Variants in MDGA2 observed in about 807,000 individuals in gnomAD.
MDGA2 encodes the protein MAM domain-containing glycosylphosphatidylinositol anchor protein 2.
Under a neutral mutation model 117.8 loss-of-function variants are expected in MDGA2, and 40 were observed. The ratio of observed to expected loss-of-function variants is 0.34; its 90% CI spans 0.26 to 0.44. MDGA2 has a LOEUF of 0.44. Among genes scored for constraint, MDGA2 ranks in the 20% least tolerant of loss-of-function variants. The pLI is 1.00. For synonymous variants in MDGA2, 452 were observed against 439.0 expected (o/e 1.03, Z -0.37); for missense variants, 1,123 against 1,250.6 (o/e 0.90, Z 1.54).
intron 1 of MDGA2, among the ~76,000 whole-genome samples, chr14:47,402,389 G>T (rs1300171243): frequency 1.6e-5 from 2 of 127,374 alleles, no homozygotes; most frequent in African/African-American, 3.2e-5. Context: ...GAAAAGAAAA[G>T]CCATAAAGCC....
At chr14:47,235,037 TAA>T (rs1886813984) in intron 2 of MDGA2, among the ~76,000 whole-genome samples, 1 of 152,172 alleles carries the variant, frequency 6.6e-6, no homozygotes, top group African/African-American at 2.4e-5. Flanking sequence ...TTATTGATTT[TAA>T]AAGAGTGTGA....
At chr14:47,184,408 A>G (rs918375845) in intron 3 of MDGA2, among the ~76,000 whole-genome samples, 2 of 151,954 alleles carry the variant, frequency 1.3e-5, no homozygotes, top group African/African-American at 4.8e-5. Flanking sequence ...TTAACCGGAA[A>G]TCAACCCAGA....
intron 10 of MDGA2, among the ~76,000 whole-genome samples, chr14:46,916,487 A>G (rs1310997264): frequency 6.6e-6 from 1 of 151,644 alleles, no homozygotes; most frequent in Non-Finnish European, 1.5e-5. Context: ...GGAATTTTTT[A>G]AAAAAGAACT....
At chr14:47,384,280 G>T (rs1891708387) in intron 1 of MDGA2, among the ~76,000 whole-genome samples, 2 of 150,554 alleles carry the variant, frequency 1.3e-5, no homozygotes, top group Admixed American at 1.3e-4. Flanking sequence ...CCTTAGGCGA[G>T]TTGCTGCTGA....
intron 8 of MDGA2, among the ~76,000 whole-genome samples, chr14:46,968,064 C>A (rs968729547): frequency 5.3e-5 from 8 of 152,136 alleles, no homozygotes; most frequent in Non-Finnish European, 7.3e-5. Context: ...CAGAAAGCTG[C>A]CTAGATATTA....
At chr14:47,158,293 A>G (rs1477788297) in intron 3 of MDGA2, among the ~76,000 whole-genome samples, 1 of 151,794 alleles carries the variant, frequency 6.6e-6, no homozygotes, top group African/African-American at 2.4e-5. Context: ...TTGTGTAAGT[A>G]TGCTCTACAA....
At chr14:46,990,107 T>G (rs1887028099) in intron 8 of MDGA2, among the ~76,000 whole-genome samples, 1 of 152,136 alleles carries the variant, frequency 6.6e-6, no homozygotes, top group South Asian at 2.1e-4. Flanking sequence ...CCTTGAAATG[T>G]GTTAACTTCA....
chr14:47,610,406 G>A (rs911782682), intron 1 of MDGA2, among the ~76,000 whole-genome samples: 41 of 151,920 alleles, frequency 2.7e-4, no homozygotes, highest in Admixed American at 2.3e-3. Context: ...ATCGTTTATC[G>A]TGAAAACCCT....
At chr14:47,631,261 T>C (rs1392492963) in intron 1 of MDGA2, among the ~76,000 whole-genome samples, 1 of 152,208 alleles carries the variant, frequency 6.6e-6, no homozygotes, top group Non-Finnish European at 1.5e-5. Flanking sequence ...ACCTCATTTC[T>C]CATTTCTCAA....
At chr14:47,314,836 C>T (rs1889755812) in intron 1 of MDGA2, among the ~76,000 whole-genome samples, 1 of 151,910 alleles carries the variant, frequency 6.6e-6, no homozygotes, top group Non-Finnish European at 1.5e-5. Context: ...AAATAGATTA[C>T]AATATGACCA....
chr14:47,168,797 A>G (rs2139309400), intron 3 of MDGA2, among the ~76,000 whole-genome samples: 1 of 152,226 alleles, frequency 6.6e-6, no homozygotes, highest in Non-Finnish European at 1.5e-5. Flanking sequence ...AAAGTAATAA[A>G]ATGCTAATAA....
intron 3 of MDGA2, among the ~76,000 whole-genome samples, chr14:47,144,809 C>G (rs1034796198): frequency 9.0e-6 from 1 of 111,036 alleles, no homozygotes; most frequent in Non-Finnish European, 1.9e-5. Flanking sequence ...CTACCATGCC[C>G]GGCTAATTTT....
chr14:47,329,836 C>G (rs957284154), intron 1 of MDGA2, among the ~76,000 whole-genome samples: 7 of 151,598 alleles, frequency 4.6e-5, no homozygotes, highest in Non-Finnish European at 8.8e-5. Context: ...AATGAGAAAA[C>G]TAAAGAAAAA....
chr14:47,236,688 G>T (rs1430812528), intron 2 of MDGA2, among the ~76,000 whole-genome samples: 1 of 152,164 alleles, frequency 6.6e-6, no homozygotes, highest in Non-Finnish European at 1.5e-5. Flanking sequence ...CAGATAAAAG[G>T]ATGCTGTGTC....
At chr14:47,609,266 T>A (rs1236002855) in intron 1 of MDGA2, among the ~76,000 whole-genome samples, 1 of 150,374 alleles carries the variant, frequency 6.7e-6, no homozygotes, top group Non-Finnish European at 1.5e-5. Context: ...ATTCTTATGC[T>A]TTTGCGTCCT....
intron 6 of MDGA2, among the ~76,000 whole-genome samples, chr14:47,070,436 A>G (rs1890239531): frequency 6.6e-6 from 1 of 152,194 alleles, no homozygotes; most frequent in African/African-American, 2.4e-5. Flanking sequence ...GAAATATAAT[A>G]GTCATCTTTG....
At chr14:47,350,048 C>T (rs1890845413) in intron 1 of MDGA2, among the ~76,000 whole-genome samples, 1 of 152,228 alleles carries the variant, frequency 6.6e-6, no homozygotes, top group Admixed American at 6.5e-5. Context: ...CAGCATATGA[C>T]TGACTGTGTC....
At chr14:47,277,780 C>T (rs1888353203) in intron 2 of MDGA2, among the ~76,000 whole-genome samples, 1 of 152,114 alleles carries the variant, frequency 6.6e-6, no homozygotes, top group South Asian at 2.1e-4. Context: ...ATTGTTCATG[C>T]ATTTCTCTTG....
At chr14:47,316,251 G>C (rs1382601717) in intron 1 of MDGA2, among the ~76,000 whole-genome samples, 1 of 151,902 alleles carries the variant, frequency 6.6e-6, no homozygotes, top group East Asian at 1.9e-4. Context: ...TCCATGTATG[G>C]AGCAAACATG....
Sources: allele counts gnomAD v4.1 joint callset (sites outside exome capture counted in the v4.1 genomes callset), GRCh38; gene constraint gnomAD v4.1.1; transcripts MANE v1.5; gene names NCBI Gene and HGNC (gene_info 2026-07-23, HGNC 2026-07-21).